The following ETV6 variants were observed in gnomAD, a reference collection of about 807,000 sequenced individuals.
ETV6 encodes ETS variant transcription factor 6.
Under a neutral mutation model 51.1 loss-of-function variants are expected in ETV6, and 16 were observed. The ratio of observed to expected loss-of-function variants is 0.31; its 90% CI spans 0.21 to 0.48. ETV6 has a LOEUF of 0.48. ETV6 is among the 20% of genes least tolerant of loss of function. The pLI, the probability that ETV6 is intolerant of heterozygous loss-of-function variation, is 0.99. For missense variants in ETV6, 458 were observed against 594.8 expected (o/e 0.77, Z 2.39); for synonymous variants, 240 against 224.1 (o/e 1.07, Z -0.64).
At chr12:11,822,327 T>C (rs1234567080) in intron 2 of ETV6, among the ~76,000 whole-genome samples, 1 of 152,204 alleles carries the variant, frequency 6.6e-6, no homozygotes, top group Non-Finnish European at 1.5e-5. Flanking sequence ...TCATTCAGCC[T>C]GAAATGAAAG....
intron 2 of ETV6, among the ~76,000 whole-genome samples, chr12:11,824,030 C>T (rs2136440283): frequency 6.6e-6 from 1 of 152,344 alleles, no homozygotes; most frequent in African/African-American, 2.4e-5. Context: ...CAAAACCCAG[C>T]AGCGATTCAC....
chr12:11,708,473 C>T (rs1468994821), intron 1 of ETV6, among the ~76,000 whole-genome samples: 3 of 152,168 alleles, frequency 2.0e-5, no homozygotes, highest in Admixed American at 6.5e-5. Flanking sequence ...TGAGGTGCCA[C>T]CTCCCTGGGA....
chr12:11,678,243 G>A (rs547764044), intron 1 of ETV6, among the ~76,000 whole-genome samples: 17 of 152,276 alleles, frequency 1.1e-4, no homozygotes, highest in Middle Eastern at 3.4e-3. Context: ...GCAATATCAC[G>A]CTCCAATTTG....
intron 1 of ETV6, among the ~76,000 whole-genome samples, chr12:11,692,915 C>T (rs1203061138): frequency 6.6e-6 from 1 of 152,076 alleles, no homozygotes; most frequent in Non-Finnish European, 1.5e-5. Flanking sequence ...TGGCACATGC[C>T]TGTGGTCCTA....
In ETV6 at chr12:11,891,483, T is replaced by G. The variant is rs1409179315; in HGVS notation, c.*437T>G. The G allele has an allele frequency of 2.0e-6, 1 of 492,268 alleles. No individual in the cohort carries two copies. Among genetic ancestry groups the G allele is most frequent in the African/African-American group, 2.0e-5 (1 of 51,212 alleles). The allele number at this position is 492,268 out of a possible 1,614,324, so 30.5% of individuals were successfully genotyped here. On this transcript the variant is annotated 3_prime_UTR_variant, in exon 8 of 8. Transcript: ENST00000396373. ...ATTATATATATATTTTTTGCAAATCTCACAAAGTGCGGCAAGCCCAGCTGG... is the reference window on the plus strand; with the variant it reads ...ATTATATATATATTTTTTGCAAATCGCACAAAGTGCGGCAAGCCCAGCTGG...
At chr12:11,681,940 G>A (rs1263747697) in intron 1 of ETV6, among the ~76,000 whole-genome samples, 2 of 152,138 alleles carry the variant, frequency 1.3e-5, no homozygotes, top group African/African-American at 4.8e-5. Flanking sequence ...TGGTATATAT[G>A]TGCCATATTT....
intron 2 of ETV6, among the ~76,000 whole-genome samples, chr12:11,836,867 A>G (rs1237683848): frequency 1.3e-5 from 2 of 151,912 alleles, no homozygotes; most frequent in Non-Finnish European, 2.9e-5. Context: ...TGCTCACTGG[A>G]CCTCTCACCT....
chr12:11,848,812 G>A (rs994859093), intron 3 of ETV6, among the ~76,000 whole-genome samples: 5 of 152,226 alleles, frequency 3.3e-5, no homozygotes, highest in South Asian at 2.1e-4. Context: ...GTATGTATGC[G>A]TGAAGATAGA....
intron 2 of ETV6, among the ~76,000 whole-genome samples, chr12:11,779,074 C>T (rs1945375683): frequency 6.6e-6 from 1 of 152,200 alleles, no homozygotes; most frequent in African/African-American, 2.4e-5. Context: ...AAATGCTTTG[C>T]TCTATTTTTT....
intron 1 of ETV6, among the ~76,000 whole-genome samples, chr12:11,741,535 G>A (rs965747538): frequency 1.3e-5 from 2 of 152,166 alleles, no homozygotes; most frequent in African/African-American, 2.4e-5. Context: ...GTGGAGCTCC[G>A]GAAAGTGAAG....
At chr12:11,805,209 G>A (rs1591685942) in intron 2 of ETV6, among the ~76,000 whole-genome samples, 2 of 152,280 alleles carry the variant, frequency 1.3e-5, no homozygotes, top group African/African-American at 4.8e-5. Context: ...TGAAGTTCTG[G>A]TAGGAAAACG....
chr12:11,861,780 A>T (rs745749741), intron 4 of ETV6, among the ~76,000 whole-genome samples: 13 of 151,396 alleles, frequency 8.6e-5, no homozygotes, highest in Non-Finnish European at 1.8e-4. Flanking sequence ...TCTTTTCCCC[A>T]CTCCAGGGCC....
At chr12:11,887,215 A>C (rs1440022170) in intron 7 of ETV6, among the ~76,000 whole-genome samples, 2 of 152,200 alleles carry the variant, frequency 1.3e-5, no homozygotes, top group African/African-American at 2.4e-5. Context: ...ACCTAAACGC[A>C]GTCCTTGGCT....
chr12:11,775,024 G>A (rs1026856456), intron 2 of ETV6, among the ~76,000 whole-genome samples: 10 of 152,232 alleles, frequency 6.6e-5, no homozygotes, highest in Admixed American at 6.5e-4. Flanking sequence ...GCAGACTTGT[G>A]TGTGGCTAGA....
At chr12:11,706,321 C>T (rs990854738) in intron 1 of ETV6, among the ~76,000 whole-genome samples, 1 of 152,192 alleles carries the variant, frequency 6.6e-6, no homozygotes, top group Non-Finnish European at 1.5e-5. Context: ...AATAGATGCA[C>T]AGAGGTTAAG....
At chr12:11,874,940 A>G (rs1946957348) in intron 5 of ETV6, among the ~76,000 whole-genome samples, 1 of 150,386 alleles carries the variant, frequency 6.6e-6, no homozygotes, top group Non-Finnish European at 1.5e-5. Context: ...AGATATACCT[A>G]ATGTAAATGA....
intron 1 of ETV6, among the ~76,000 whole-genome samples, chr12:11,667,134 T>C (rs1294533081): frequency 1.3e-5 from 2 of 152,224 alleles, no homozygotes; most frequent in African/African-American, 4.8e-5. Flanking sequence ...ACACACCTCA[T>C]CCTCAGACAA....
chr12:11,800,299 C>T (rs929897540), intron 2 of ETV6, among the ~76,000 whole-genome samples: 1 of 152,098 alleles, frequency 6.6e-6, no homozygotes, highest in Non-Finnish European at 1.5e-5. Context: ...AGATAAAAGT[C>T]ATATGTTTAT....
chr12:11,781,486 A>G (rs1243163708), intron 2 of ETV6, among the ~76,000 whole-genome samples: 6 of 152,228 alleles, frequency 3.9e-5, no homozygotes, highest in African/African-American at 9.6e-5. Flanking sequence ...TTGGAATCAG[A>G]TATGGATTTG....
Sources: gnomAD v4.1 joint callset for allele counts (sites outside exome capture counted in the v4.1 genomes callset) on GRCh38, gnomAD v4.1.1 for gene constraint, MANE v1.5 for transcripts, NCBI Gene and HGNC (gene_info 2026-07-23, HGNC 2026-07-21) for gene names.